SLC35F4: variants seen among roughly 807,000 people sequenced by gnomAD.
SLC35F4 encodes the protein chromosome 14 open reading frame 36.
SLC35F4 carries 24 observed loss-of-function variants against 44.2 expected under a neutral mutation model. The observed-to-expected ratio is 0.54, with a 90% CI of 0.39 to 0.76. SLC35F4 has a LOEUF of 0.76. Ranked by LOEUF, SLC35F4 falls within the 30% of genes least tolerant of loss-of-function variation. The pLI, the probability that SLC35F4 is intolerant of heterozygous loss-of-function variation, is 0.00. For missense variants in SLC35F4, 562 were observed against 586.1 expected, an observed-to-expected ratio of 0.96 and a Z score of 0.42; for synonymous variants, 238 against 223.6, an observed-to-expected ratio of 1.06 and a Z score of -0.57.
chr14:57,766,789 CA>C (rs1441343836), intron 1 of SLC35F4, among the ~76,000 whole-genome samples: 3 of 152,066 alleles, frequency 2.0e-5, no homozygotes, highest in African/African-American at 7.2e-5. Flanking sequence ...AAAATAAAAA[CA>C]AATATTGCCT....
At chr14:57,847,444 C>T (rs1395012610) in intron 1 of SLC35F4, among the ~76,000 whole-genome samples, 1 of 152,150 alleles carries the variant, frequency 6.6e-6, no homozygotes, top group East Asian at 1.9e-4. Flanking sequence ...TCTTTATCTT[C>T]TGTTACTTTG....
chr14:57,753,207 T>C (rs1177900752), intron 1 of SLC35F4, among the ~76,000 whole-genome samples: 1 of 152,192 alleles, frequency 6.6e-6, no homozygotes, highest in Non-Finnish European at 1.5e-5. Flanking sequence ...AAAGATGGCA[T>C]GTATAATCTT....
chr14:57,881,678 C>A (rs1888536952), intron 1 of SLC35F4, among the ~76,000 whole-genome samples: 1 of 152,150 alleles, frequency 6.6e-6, no homozygotes, highest in Admixed American at 6.5e-5. Flanking sequence ...AATAGGGTTG[C>A]AAATTTCACT....
chr14:57,868,364 A>C (rs1440595740), upstream of SLC35F4, among the ~76,000 whole-genome samples: 3 of 152,354 alleles, frequency 2.0e-5, no homozygotes, highest in East Asian at 5.8e-4. Flanking sequence ...GTCAAAGGTA[A>C]ATTTCTGCTA....
intron 1 of SLC35F4, among the ~76,000 whole-genome samples, chr14:57,668,319 A>T (rs1440898899): frequency 1.3e-5 from 2 of 151,158 alleles, no homozygotes; most frequent in African/African-American, 4.9e-5. Context: ...TGCTGTGCAG[A>T]AGCTCTTTAG....
At chr14:57,644,507 G>A (rs2073408632) in intron 1 of SLC35F4, among the ~76,000 whole-genome samples, 1 of 151,804 alleles carries the variant, frequency 6.6e-6, no homozygotes, top group African/African-American at 2.4e-5. Flanking sequence ...GTAGATTCTG[G>A]ATATTAGCCC....
intron 1 of SLC35F4, among the ~76,000 whole-genome samples, chr14:57,608,234 A>G (rs966969079): frequency 6.6e-6 from 1 of 152,192 alleles, no homozygotes; most frequent in Non-Finnish European, 1.5e-5. Flanking sequence ...AAATTCACAT[A>G]TTGAAGTTCT....
rs532251061 is a variant in SLC35F4 at position 57,669,051 on chromosome 14, C to T, written c.104-74927G>A. 2.1e-3 allele frequency among the ~76,000 whole-genome samples: 317 copies of T among 152,130 alleles called. 4 individuals carry two copies. Among genetic ancestry groups the T allele is most frequent in the African/African-American group, 7.2e-3 (299 of 41,444 alleles). On this transcript the variant is annotated intron_variant, in intron 1 of 7. Transcript: ENST00000556826. ...TCCTTGAAGAGGGCCTTTACATCCC[C>T]TGTAAGTTGGATTCCTAGGTATTTT...
intron 3 of SLC35F4, among the ~76,000 whole-genome samples, chr14:57,585,045 T>A (rs1306197620): frequency 2.0e-5 from 3 of 152,224 alleles, no homozygotes; most frequent in Admixed American, 2.0e-4. Flanking sequence ...CAAATAGTCA[T>A]AGGGCTCTCC....
At chr14:57,580,682 T>G (rs2139806161) in intron 4 of SLC35F4, 1 of 190,262 alleles carries the variant, frequency 5.3e-6, no homozygotes, top group Non-Finnish European at 1.1e-5. Flanking sequence ...AAGTTGTTGC[T>G]TGTACTTCCA....
chr14:57,888,836 AT>A (rs1432946715), intron 1 of SLC35F4, among the ~76,000 whole-genome samples: 1 of 152,214 alleles, frequency 6.6e-6, no homozygotes, highest in African/African-American at 2.4e-5. Flanking sequence ...TCAAAGATTA[AT>A]TTTAAAGTAT....
chr14:57,893,221 T>G (rs1047718237), intron 1 of SLC35F4, among the ~76,000 whole-genome samples: 2 of 152,156 alleles, frequency 1.3e-5, no homozygotes, highest in South Asian at 4.1e-4. Flanking sequence ...AATCCCCATA[T>G]AGTGCCCCCT....
At chr14:57,940,993 CA>C (rs1889907065) in intron 1 of SLC35F4, among the ~76,000 whole-genome samples, 1 of 152,186 alleles carries the variant, frequency 6.6e-6, no homozygotes, top group Admixed American at 6.5e-5. Flanking sequence ...CGAATCCACT[CA>C]TACCTATTAG....
intron 1 of SLC35F4, among the ~76,000 whole-genome samples, chr14:57,872,166 A>G (rs1279266594): frequency 6.6e-6 from 1 of 152,250 alleles, no homozygotes. Flanking sequence ...ACTATTGCCA[A>G]AAGCAATTTC....
intron 1 of SLC35F4, among the ~76,000 whole-genome samples, chr14:57,786,182 G>A (rs1249488237): frequency 2.0e-5 from 3 of 152,082 alleles, no homozygotes; most frequent in Non-Finnish European, 2.9e-5. Flanking sequence ...TGACTCAGCA[G>A]AGGCAGCCAT....
chr14:57,778,829 C>G (rs1200420675), intron 1 of SLC35F4, among the ~76,000 whole-genome samples: 6 of 151,750 alleles, frequency 4.0e-5, no homozygotes, highest in Admixed American at 1.3e-4. Flanking sequence ...CACTTGTAAC[C>G]ATACAATTAC....
intron 1 of SLC35F4, among the ~76,000 whole-genome samples, chr14:57,650,927 T>A (rs888990860): frequency 3.9e-5 from 6 of 152,202 alleles, no homozygotes; most frequent in Non-Finnish European, 7.3e-5. Context: ...GAACTTGTAA[T>A]CCTTCAGGTC....
rs184595993 is a variant in SLC35F4, at chr14:57,647,833, C to T, written c.104-53709G>A. Among the ~76,000 whole-genome samples the T allele has an allele frequency of 3.7e-3, 564 of 152,198 alleles. 8 individuals are homozygous for T. The highest frequency in any genetic ancestry group is 0.012 in the African/African-American group (489 of 41,522). On this transcript the variant is annotated intron_variant, in intron 1 of 7. Transcript: ENST00000556826. ...TCTTCATCCTCTACCATCCCCCAGGCGATGTCTGATCACCCCGGCCTGTCC... is the reference window on the plus strand; with the variant it reads ...TCTTCATCCTCTACCATCCCCCAGGTGATGTCTGATCACCCCGGCCTGTCC...
intron 1 of SLC35F4, among the ~76,000 whole-genome samples, chr14:57,664,575 A>AT (rs2074245709): frequency 6.6e-6 from 1 of 152,004 alleles, no homozygotes; most frequent in Non-Finnish European, 1.5e-5. Flanking sequence ...TGCCCGGCTA[A>AT]TTTTTTGGCA....
Sources: gnomAD v4.1 joint callset for allele counts (sites outside exome capture counted in the v4.1 genomes callset) on GRCh38, gnomAD v4.1.1 for gene constraint, MANE v1.5 for transcripts, NCBI Gene and HGNC (gene_info 2026-07-23, HGNC 2026-07-21) for gene names.